Variants in SERPINB12 observed in about 807,000 individuals in gnomAD.
SERPINB12 encodes the protein serpin family B member 12, also known as serpin B12.
SERPINB12 carries 57 observed loss-of-function variants against 41.1 expected under a neutral mutation model. The observed-to-expected ratio is 1.39, with a 90% CI of 1.12 to 1.73. The LOEUF (loss-of-function observed/expected upper bound fraction) is 1.73, where lower values mean the gene tolerates loss of function less well. SERPINB12 is among the 40% of genes most tolerant of loss of function. SERPINB12 has a pLI of 0.00. For missense variants in SERPINB12, 536 were observed against 501.9 expected (o/e 1.07, Z -0.65); for synonymous variants, 180 against 181.3 (o/e 0.99, Z 0.06).
Position 63,559,718 on chromosome 18 carries a change from G to A in SERPINB12, c.444G>A (p.Gln148=), listed in dbSNP as rs756527153. 2 of 1,613,838 alleles carry A rather than the reference G, an allele frequency of 1.2e-6. No individual in the cohort carries two copies. The highest frequency in any genetic ancestry group is 1.3e-5 in the African/African-American group (1 of 74,922). The change falls in exon 4 of 8, where the codon CAG becomes CAA. Residue 148 remains glutamine, a splice_region_variant and synonymous_variant. Transcript: ENST00000382768. ...LYGEQEFPIC[Q]EYLDGVIQFY... is the part of the protein sequence containing the mutation. Reference sequence around the variant, plus strand: ...GAGAGCAGGAATTCCCAATCTGTCAGGTGAGTTGCACACGAATGGTGACTA... The same window carrying A: ...GAGAGCAGGAATTCCCAATCTGTCAAGTGAGTTGCACACGAATGGTGACTA...
chr18:63,566,437 G>A (rs935407891), intron 7 of SERPINB12, among the ~76,000 whole-genome samples, 170 bp from the exon 8 acceptor site: 7 of 152,184 alleles, frequency 4.6e-5, no homozygotes, highest in African/African-American at 1.7e-4. Context: ...TTCTAAAGAG[G>A]AAAGATATTT....
At chr18:63,549,908 G>A (rs140902653) in intron 1 of SERPINB12, among the ~76,000 whole-genome samples, 2 of 152,244 alleles carry the variant, frequency 1.3e-5, no homozygotes, top group Non-Finnish European at 2.9e-5. Context: ...TAGGAGGAAA[G>A]AGGTAGCTTT....
the SERPINB12 span, among the ~76,000 whole-genome samples, chr18:63,522,217 A>T: frequency 5.9e-5 from 9 of 152,244 alleles, no homozygotes; most frequent in Admixed American, 5.9e-4. Context: ...ATCAAGGCAG[A>T]CTTCAGACTT....
chr18:63,532,281 A>G, the SERPINB12 span, among the ~76,000 whole-genome samples: 2 of 152,298 alleles, frequency 1.3e-5, no homozygotes, highest in South Asian at 4.1e-4. Context: ...CCTCTTTCAC[A>G]TGGTTGAAAA....
At chr18:63,552,791 T>G (rs1243132446) in intron 1 of SERPINB12, among the ~76,000 whole-genome samples, 2 of 152,176 alleles carry the variant, frequency 1.3e-5, no homozygotes, top group East Asian at 1.9e-4. Flanking sequence ...TTAAAAAAAC[T>G]GACTCACCCC....
At chr18:63,531,315 T>C in the SERPINB12 span, among the ~76,000 whole-genome samples, 1 of 152,208 alleles carries the variant, frequency 6.6e-6, no homozygotes, top group East Asian at 1.9e-4. Flanking sequence ...TTGTGCCAAC[T>C]TCACAGGGAA....
Position 63,553,643 on chromosome 18 carries a change from G to A in SERPINB12, c.-18-2499G>A, listed in dbSNP as rs80114653. Among the ~76,000 whole-genome samples, 4,342 of 152,030 alleles carry A rather than the reference G, an allele frequency of 0.029. 289 individuals carry two copies. In the East Asian group the frequency reaches 0.29, roughly 10 times the overall value. Reference sequence around the variant, plus strand: ...GATTCCCTTTACCTTCTCCTCCTTCGAGCTGAAGATTTTGATCAAACATTA... The same window carrying A: ...GATTCCCTTTACCTTCTCCTCCTTCAAGCTGAAGATTTTGATCAAACATTA... On this transcript the variant is annotated intron_variant, in intron 1 of 7. Transcript: ENST00000382768.
the SERPINB12 span, among the ~76,000 whole-genome samples, chr18:63,519,490 G>T: frequency 2.6e-5 from 4 of 152,140 alleles, no homozygotes; most frequent in African/African-American, 9.7e-5. Flanking sequence ...TTGAACTTTC[G>T]CTAATTGTTC....
chr18:63,556,135 G>A lies in SERPINB12; in HGVS notation c.-18-7G>A. The A allele has an allele frequency of 1.9e-6, 3 of 1,567,808 alleles. No individual in the cohort carries two copies. The highest frequency in any genetic ancestry group is 2.4e-5 in the South Asian group (2 of 83,492). ...ATTTTCTCTTTCTCCTTTTTTTTTGGTTTTAGATCGTTATAAGTTTTACAA... is the reference window on the plus strand; with the variant it reads ...ATTTTCTCTTTCTCCTTTTTTTTTGATTTTAGATCGTTATAAGTTTTACAA... On this transcript the variant is annotated splice_region_variant and splice_polypyrimidine_tract_variant and intron_variant, in intron 1 of 7. Transcript: ENST00000382768.
upstream of SERPINB12, among the ~76,000 whole-genome samples, chr18:63,542,290 A>C (rs1436578914): frequency 1.3e-5 from 2 of 152,330 alleles, no homozygotes; most frequent in South Asian, 2.1e-4. Context: ...CCATAAATGC[A>C]TGTCTTATTT....
intron 1 of SERPINB12, among the ~76,000 whole-genome samples, chr18:63,550,689 A>T (rs1193145105): frequency 3.3e-5 from 5 of 152,178 alleles, no homozygotes; most frequent in African/African-American, 9.7e-5. Flanking sequence ...ATACCAGCTC[A>T]CAAGAGCTGA....
intron 1 of SERPINB12, among the ~76,000 whole-genome samples, chr18:63,550,765 TG>T (rs1910504748): frequency 6.6e-6 from 1 of 152,100 alleles, no homozygotes; most frequent in African/African-American, 2.4e-5. Flanking sequence ...TTAACCTTAA[TG>T]GGGGTATTTA....
chr18:63,562,592 C>A (rs867749222), intron 5 of SERPINB12, among the ~76,000 whole-genome samples: 1 of 152,186 alleles, frequency 6.6e-6, no homozygotes, highest in Non-Finnish European at 1.5e-5. Context: ...ATACCCCTGC[C>A]TGCCTTTCCT....
rs571900533 is a variant in SERPINB12, at chr18:63,558,515, C to T, written c.303+29C>T. ...AACCGCCACCGTAGAAAACTCTTGC[C>T]TTTCTTTTTTACAAACTGCTTATTC... On this transcript the variant is annotated intron_variant, in intron 3 of 7. Transcript: ENST00000382768. The T allele has an allele frequency of 6.9e-6, 11 of 1,585,294 alleles. No homozygotes were observed. In the Admixed American group the frequency reaches 1.9e-4, roughly 28 times the overall value.
At chr18:63,566,361 C>T (rs1911097458) in intron 7 of SERPINB12, among the ~76,000 whole-genome samples, 1 of 152,206 alleles carries the variant, frequency 6.6e-6, no homozygotes, top group South Asian at 2.1e-4. Context: ...CTGAGCTTTG[C>T]TGTGCTTTGA....
At chr18:63,534,923 A>G in the SERPINB12 span, among the ~76,000 whole-genome samples, 4 of 152,206 alleles carry the variant, frequency 2.6e-5, no homozygotes, top group Non-Finnish European at 5.9e-5. Flanking sequence ...ACAGGCACGT[A>G]TGCATGTGGA....
rs187486389 is a variant in SERPINB12, at chr18:63,542,459, A to G, written c.-52A>G. On this transcript the variant is annotated 5_prime_UTR_variant, in exon 1 of 8. Transcript: ENST00000382768. The stretch of plus-strand genomic sequence containing the variant: ...TTGAATTGACTTTATCAGAGCACAG[A>G]CCTTAGCTGGGGACAGCCCTCACTG... Among the ~76,000 whole-genome samples, 4 of 152,244 alleles carry G rather than the reference A, an allele frequency of 2.6e-5. No individual in the cohort carries two copies. Among genetic ancestry groups the G allele is most frequent in the Non-Finnish European group, 5.9e-5 (4 of 68,024 alleles).
upstream of SERPINB12, among the ~76,000 whole-genome samples, chr18:63,538,539 C>CA (rs1910215927): frequency 6.6e-6 from 1 of 152,074 alleles, no homozygotes; most frequent in South Asian, 2.1e-4. Flanking sequence ...TTTTAAAGGC[C>CA]AAATAATATT....
At position 63,565,495 on chromosome 18, in the gene SERPINB12, T is replaced by C. The variant is rs751008504; in HGVS notation, c.756T>C (p.Ile252=). The part of the protein sequence containing the change: ...KMMTQKGLYR[I]GFIEEVKAQI... ...TGACGCAAAAAGGCCTCTACAGAAT[T>C]GGCTTCATAGAGGAGGTGAAGGCAC... The change falls in exon 7 of 8, where the codon ATT becomes ATC. Residue 252 remains isoleucine (I), a synonymous_variant. Coordinates refer to ENST00000382768, the MANE Select transcript of SERPINB12 (RefSeq NM_001307928.2). The C allele has an allele frequency of 4.3e-6, 7 of 1,613,838 alleles. No homozygotes were observed. Among genetic ancestry groups the C allele is most frequent in the Non-Finnish European group, 5.9e-6 (7 of 1,179,906 alleles).
Sources: allele counts gnomAD v4.1 joint callset (sites outside exome capture counted in the v4.1 genomes callset), GRCh38; gene constraint gnomAD v4.1.1; transcripts MANE v1.5; gene names NCBI Gene and HGNC (gene_info 2026-07-23, HGNC 2026-07-21).